RGS7: variants seen among roughly 807,000 people sequenced by gnomAD.
RGS7 encodes the protein regulator of G-protein signaling 7.
In RGS7, 27 loss-of-function variants were observed where a neutral mutation model predicts 81.1. That is an observed-to-expected ratio of 0.33 (90% CI 0.25 to 0.46). RGS7 has a LOEUF of 0.46. Among genes scored for constraint, RGS7 ranks in the 20% least tolerant of loss-of-function variants. The pLI, the probability that RGS7 is intolerant of heterozygous loss-of-function variation, is 1.00. For synonymous variants in RGS7, 208 were observed against 207.7 expected, an observed-to-expected ratio of 1.00 and a Z score of -0.01; for missense variants, 396 against 607.4, an observed-to-expected ratio of 0.65 and a Z score of 3.66.
intron 10 of RGS7, among the ~76,000 whole-genome samples, chr1:240,821,169 T>G (rs1299781188): frequency 6.6e-6 from 1 of 152,134 alleles, no homozygotes; most frequent in Non-Finnish European, 1.5e-5. Context: ...AAGTCCCCTC[T>G]TGGCCGGGTG....
In RGS7 at chr1:241,065,482, G is replaced by A. The variant is rs995193987; in HGVS notation, c.175+33184C>T. ...CTCTTCTTAAGACATTGGCCCTTAT[G>A]TTGTAGGAAACACCTCGATGCCAGG... is the stretch of plus-strand genomic sequence containing the variant. On this transcript the variant is annotated intron_variant, in intron 3 of 18. Coordinates refer to ENST00000440928, the MANE Select transcript of RGS7 (RefSeq NM_001364886.1). 3.9e-5 allele frequency among the ~76,000 whole-genome samples: 6 copies of A among 151,924 alleles called. 1 individual carries two copies. The highest frequency in any genetic ancestry group is 9.7e-5 in the African/African-American group (4 of 41,438).
chr1:241,344,302 A>G (rs769389584), intron 2 of RGS7, among the ~76,000 whole-genome samples: 5 of 152,260 alleles, frequency 3.3e-5, no homozygotes, highest in Admixed American at 6.5e-5. Context: ...CAAAATATCA[A>G]GCCACTGAAG....
chr1:240,931,992 T>C (rs1053347943), intron 5 of RGS7, among the ~76,000 whole-genome samples: 1 of 152,196 alleles, frequency 6.6e-6, no homozygotes, highest in African/African-American at 2.4e-5. Context: ...ATATCAGTAC[T>C]GTGGGCTTAA....
intron 2 of RGS7, among the ~76,000 whole-genome samples, chr1:241,310,497 G>A (rs1186767081): frequency 2.0e-5 from 3 of 151,276 alleles, no homozygotes; most frequent in Non-Finnish European, 4.4e-5. Flanking sequence ...GTGAGTGAGC[G>A]TGTGTGGTGA....
chr1:241,353,437 A>G (rs2083371129), intron 2 of RGS7, among the ~76,000 whole-genome samples: 1 of 152,244 alleles, frequency 6.6e-6, no homozygotes, highest in Admixed American at 6.5e-5. Context: ...ATGATAAGCA[A>G]GGACGCTGTG....
chr1:241,306,353 A>G (rs1003863347), intron 2 of RGS7, among the ~76,000 whole-genome samples: 2 of 151,318 alleles, frequency 1.3e-5, no homozygotes, highest in African/African-American at 4.9e-5. Context: ...ACATGTACAT[A>G]TACACACATG....
intron 4 of RGS7, among the ~76,000 whole-genome samples, chr1:240,978,076 A>G (rs1456467906): frequency 1.3e-5 from 2 of 152,230 alleles, no homozygotes; most frequent in African/African-American, 2.4e-5. Context: ...AAGCTAACTT[A>G]TTAATGCAAA....
intron 6 of RGS7, among the ~76,000 whole-genome samples, chr1:240,870,943 C>T (rs150600572): frequency 3.5e-4 from 54 of 152,242 alleles, no homozygotes; most frequent in African/African-American, 8.4e-4. Context: ...TCTTACCTAC[C>T]TTCCACAGTA....
intron 9 of RGS7, among the ~76,000 whole-genome samples, chr1:240,838,829 C>T (rs992148197): frequency 6.6e-6 from 1 of 151,694 alleles, no homozygotes; most frequent in African/African-American, 2.4e-5. Context: ...TGCAGTGGCG[C>T]CATCTCGGCT....
At chr1:241,316,273 T>C (rs1013737920) in intron 2 of RGS7, among the ~76,000 whole-genome samples, 2 of 152,044 alleles carry the variant, frequency 1.3e-5, no homozygotes, top group African/African-American at 2.4e-5. Flanking sequence ...TTGGGGAGAG[T>C]GCTGTTACAC....
At chr1:240,970,732 C>A (rs1402625492) in intron 4 of RGS7, among the ~76,000 whole-genome samples, 1 of 152,134 alleles carries the variant, frequency 6.6e-6, no homozygotes, top group African/African-American at 2.4e-5. Flanking sequence ...CACCTGTAAT[C>A]CCAGCACTTT....
At chr1:241,342,306 C>T (rs189761830) in intron 2 of RGS7, among the ~76,000 whole-genome samples, 52 of 152,252 alleles carry the variant, frequency 3.4e-4, no homozygotes, top group African/African-American at 1.2e-3. Context: ...CATCAGCACA[C>T]CAGCAGCTAA....
At chr1:241,278,623 C>G (rs2078324918) in intron 2 of RGS7, among the ~76,000 whole-genome samples, 1 of 152,196 alleles carries the variant, frequency 6.6e-6, no homozygotes, top group Non-Finnish European at 1.5e-5. Flanking sequence ...CTTTCTCATT[C>G]ACCCAAACCC....
intron 2 of RGS7, among the ~76,000 whole-genome samples, chr1:241,176,491 C>T (rs182646234): frequency 6.6e-6 from 1 of 152,268 alleles, no homozygotes; most frequent in East Asian, 1.9e-4. Context: ...CCTCTACACT[C>T]ATTTTAGTTG....
chr1:241,121,491 T>C (rs1384395922), intron 2 of RGS7, among the ~76,000 whole-genome samples: 1 of 152,126 alleles, frequency 6.6e-6, no homozygotes, highest in Non-Finnish European at 1.5e-5. Context: ...TGTTTGAATA[T>C]GTATGTTATA....
At chr1:240,807,062 G>C (rs759572592) in intron 14 of RGS7, among the ~76,000 whole-genome samples, 1 of 152,074 alleles carries the variant, frequency 6.6e-6, no homozygotes, top group South Asian at 2.1e-4. Flanking sequence ...CAGAAGCCAC[G>C]GAATAATATA....
chr1:241,300,729 C>CTATGG (rs1255770655), intron 2 of RGS7, among the ~76,000 whole-genome samples: 1 of 152,186 alleles, frequency 6.6e-6, no homozygotes, highest in African/African-American at 2.4e-5. Flanking sequence ...AACACTTGTG[C>CTATGG]ACAGGTTTTT....
chr1:240,901,402 C>T (rs893114215), intron 6 of RGS7, among the ~76,000 whole-genome samples: 4 of 152,328 alleles, frequency 2.6e-5, no homozygotes, highest in Admixed American at 6.5e-5. Flanking sequence ...GGAGCTGTTC[C>T]TATTCAGCCA....
intron 2 of RGS7, among the ~76,000 whole-genome samples, chr1:241,223,091 T>G (rs2075110901): frequency 6.6e-6 from 1 of 152,192 alleles, no homozygotes; most frequent in Non-Finnish European, 1.5e-5. Context: ...AACATATAGT[T>G]TCCCAAGCCA....
Sources: gnomAD v4.1 joint callset for allele counts (sites outside exome capture counted in the v4.1 genomes callset) on GRCh38, gnomAD v4.1.1 for gene constraint, MANE v1.5 for transcripts, NCBI Gene and HGNC (gene_info 2026-07-23, HGNC 2026-07-21) for gene names.